The following PFKP variants were observed in gnomAD, a reference collection of about 807,000 sequenced individuals.
The protein encoded by PFKP is phosphofructokinase, platelet.
A neutral mutation model predicts 94.3 loss-of-function variants in PFKP; 101 were observed. The ratio of observed to expected loss-of-function variants is 1.07; its 90% CI spans 0.91 to 1.26. The LOEUF is 1.26. PFKP is among the 50% of genes most tolerant of loss of function. PFKP has a pLI of 0.00. For missense variants in PFKP, 1,145 were observed against 1,103.3 expected (o/e 1.04, Z -0.53); for synonymous variants, 573 against 432.6 (o/e 1.32, Z -4.03).
chr10:3,112,756 C>T (rs752231659), intron 11 of PFKP, among the ~76,000 whole-genome samples: 10 of 152,178 alleles, frequency 6.6e-5, no homozygotes, highest in South Asian at 2.1e-4. Context: ...TTAGTACAGA[C>T]GGGGTTTCAA....
chr10:3,097,625 G>A (rs544546364), intron 2 of PFKP, among the ~76,000 whole-genome samples: 33 of 152,304 alleles, frequency 2.2e-4, no homozygotes, highest in African/African-American at 7.9e-4. Flanking sequence ...TGCCAGCGCT[G>A]AAATGAACCA....
chr10:3,122,653 G>A (rs1837544872), intron 16 of PFKP, among the ~76,000 whole-genome samples: 1 of 152,346 alleles, frequency 6.6e-6, no homozygotes, highest in Middle Eastern at 3.4e-3. Context: ...GGGAGTGAGC[G>A]TCTCTTCCCT....
At chr10:3,114,252 C>T (rs1311094198) in intron 13 of PFKP, among the ~76,000 whole-genome samples, 6 of 151,674 alleles carry the variant, frequency 4.0e-5, no homozygotes, top group African/African-American at 7.3e-5. Context: ...TGGGTTCAAG[C>T]GATTCTCCTG....
At chr10:3,097,792 G>A (rs1834608612) in intron 2 of PFKP, among the ~76,000 whole-genome samples, 2 of 152,186 alleles carry the variant, frequency 1.3e-5, no homozygotes, top group South Asian at 4.1e-4. Flanking sequence ...ATCACTTGAG[G>A]TCAAGAGTTG....
rs202105167 is a variant in PFKP, at chr10:3,109,464, T to A, written c.1073T>A (p.Met358Lys). Residue 358 changes from methionine (M) to lysine (K), a missense_variant, in exon 10 of 22, where the codon ATG (methionine) becomes AAG (lysine). Transcript: ENST00000381125. ...AACCACGCCGTGCGCCTGCCGCTGA[T>A]GGAGTGCGTGCAGATGGTGAGTGGG... Reference protein sequence around the residue: ...NGNHAVRLPLMECVQMTQDVQ... With the variant: ...NGNHAVRLPLKECVQMTQDVQ... The A allele has an allele frequency of 7.2e-5, 115 of 1,605,574 alleles. No individual in the cohort carries two copies. The East Asian group carries it at 1.2e-3, about 17-fold the overall frequency.
intron 21 of PFKP, among the ~76,000 whole-genome samples, 185 bp downstream of exon 21, chr10:3,136,023 T>A (rs896063486): frequency 6.6e-6 from 1 of 152,110 alleles, no homozygotes; most frequent in African/African-American, 2.4e-5. Flanking sequence ...CCCAGCACTG[T>A]GGGAGGCCGA....
At chr10:3,108,579 T>G (rs527339094) in intron 8 of PFKP, 122 bp from the exon 9 acceptor site, 1 of 693,184 alleles carries the variant, frequency 1.4e-6, no homozygotes, top group South Asian at 1.7e-5. Context: ...TAGAAATAAC[T>G]TTTCCCATTT....
intron 7 of PFKP, 85 bp downstream of exon 7, chr10:3,105,586 G>A (rs1835461458): frequency 4.2e-6 from 4 of 960,214 alleles, no homozygotes; most frequent in Admixed American, 4.1e-5. Flanking sequence ...GGCATTTTAA[G>A]CAAGTGAAAA....
At chr10:3,135,066 T>C (rs920725628) in intron 20 of PFKP, among the ~76,000 whole-genome samples, 1 of 152,236 alleles carries the variant, frequency 6.6e-6, no homozygotes, top group African/African-American at 2.4e-5. Context: ...TTACATATTC[T>C]AAGAAATCTT....
chr10:3,110,205 A>T (rs185589411), intron 10 of PFKP, among the ~76,000 whole-genome samples: 1,587 of 151,926 alleles, frequency 0.01, 13 homozygotes, highest in South Asian at 0.021. Context: ...TTAATTAATT[A>T]ATTTATTTAT....
chr10:3,068,664 C>T, intron 1 of PFKP: 1 of 985,216 alleles, frequency 1.0e-6, no homozygotes, highest in Non-Finnish European at 1.2e-6. Flanking sequence ...GGAGACTCGG[C>T]GCGCCCCAGG....
At chr10:3,125,266 TC>T in intron 16 of PFKP, 1 of 1,283,826 alleles carries the variant, frequency 7.8e-7, no homozygotes, top group African/African-American at 1.6e-5. Context: ...GAACCCCGTT[TC>T]CTCTCATTGC....
chr10:3,129,507 G>C (rs924563088), intron 16 of PFKP: 7 of 367,270 alleles, frequency 1.9e-5, no homozygotes, highest in African/African-American at 1.3e-4. Flanking sequence ...GAGTGAGCTG[G>C]CTTGTGGGGT....
In PFKP at chr10:3,105,497, C is replaced by G. The variant is rs749023490; in HGVS notation, c.770C>G (p.Ser257Trp). The change falls in exon 7 of 22, where the codon TCG becomes TGG. Residue 257 changes from serine (S) to tryptophan (W), a missense_variant. Around this residue, in one of 3 missense-constraint regions of PFKP, gnomAD observed 1,119 missense variants for 1,062.8 expected, o/e 1.05. Coordinates refer to ENST00000381125, the MANE Select transcript of PFKP (RefSeq NM_002627.5). ...GAGGAGCAGATGTGTGTCAAACTCT[C>G]GGAGGTAATGCGGGTCCCGTGGCCG... is the stretch of plus-strand genomic sequence containing the variant. ...GWEEQMCVKL[S>W]ENRARKKRLN... 1 of 1,607,244 alleles carries G rather than the reference C, an allele frequency of 6.2e-7. No homozygotes were observed. Among genetic ancestry groups the G allele is most frequent in the East Asian group, 2.2e-5 (1 of 44,844 alleles).
At chr10:3,109,247 G>C in intron 9 of PFKP, 108 bp from the exon 10 acceptor site, 3 of 1,414,008 alleles carry the variant, frequency 2.1e-6, no homozygotes, top group Non-Finnish European at 3.0e-6. Context: ...AAGCGGGAGG[G>C]GCTGTGAGCA....
At chr10:3,116,344 A>G (rs1443333416) in intron 13 of PFKP, among the ~76,000 whole-genome samples, 1 of 152,238 alleles carries the variant, frequency 6.6e-6, no homozygotes, top group Admixed American at 6.5e-5. Flanking sequence ...CCGTCCTCGC[A>G]GTGGCATCCT....
rs921771138 is a variant in PFKP, at chr10:3,107,253, G to A, written c.814G>A (p.Ala272Thr). 2 of 1,612,504 alleles carry A rather than the reference G, an allele frequency of 1.2e-6. No individual in the cohort carries two copies. Among genetic ancestry groups the A allele is most frequent in the Non-Finnish European group, 1.7e-6 (2 of 1,179,092 alleles). The change falls in exon 8 of 22, where the codon GCT becomes ACT. Residue 272 changes from alanine to threonine, a missense_variant. Coordinates refer to ENST00000381125, the MANE Select transcript of PFKP (RefSeq NM_002627.5). ...RKKRLNIIIV[A>T]EGAIDTQNKP... ...AAAAAGGCTGAATATTATTATTGTG[G>A]CTGAAGGAGCAATTGATACCCAAAA...
intron 10 of PFKP, among the ~76,000 whole-genome samples, chr10:3,110,298 A>C (rs1247159938): frequency 6.7e-6 from 1 of 150,336 alleles, no homozygotes; most frequent in African/African-American, 2.5e-5. Context: ...TCCTGGGTTC[A>C]CGCCATTCTC....
chr10:3,093,730 G>A (rs1029135311), intron 2 of PFKP, among the ~76,000 whole-genome samples: 2 of 133,508 alleles, frequency 1.5e-5, no homozygotes, highest in East Asian at 2.3e-4. Context: ...TGCAAGCTCC[G>A]CCTCCCAGGT....
Sources: allele counts gnomAD v4.1 joint callset (sites outside exome capture counted in the v4.1 genomes callset), GRCh38; gene constraint gnomAD v4.1.1; regional missense constraint gnomAD v4.1.1; transcripts MANE v1.5; gene names NCBI Gene and HGNC (gene_info 2026-07-23, HGNC 2026-07-21).